Variants in TAFA2 observed in about 807,000 individuals in gnomAD.
The protein encoded by TAFA2 is chemokine-like protein TAFA-2.
TAFA2 carries 7 observed loss-of-function variants against 18.8 expected under a neutral mutation model. That is an observed-to-expected ratio of 0.37 (90% CI 0.21 to 0.70). The LOEUF (loss-of-function observed/expected upper bound fraction) is 0.70. TAFA2 is among the 30% of genes least tolerant of loss of function. The pLI is 0.53. For missense variants in TAFA2, 122 were observed against 158.1 expected (o/e 0.77, Z 1.23); for synonymous variants, 60 against 54.2 (o/e 1.11, Z -0.47).
intron 1 of TAFA2, among the ~76,000 whole-genome samples, chr12:62,219,933 G>T (rs2062753689): frequency 1.3e-5 from 2 of 152,112 alleles, no homozygotes; most frequent in Admixed American, 1.3e-4. Flanking sequence ...AGATCAAAGA[G>T]AATATAAGAT....
At chr12:61,713,617 G>A (rs1398158678) in intron 4 of TAFA2, among the ~76,000 whole-genome samples, 4 of 152,104 alleles carry the variant, frequency 2.6e-5, no homozygotes, top group African/African-American at 7.2e-5. Context: ...GTTTAAAAAT[G>A]TATAGGAAAA....
chr12:62,215,046 G>A (rs2062728491), intron 1 of TAFA2, among the ~76,000 whole-genome samples: 1 of 152,206 alleles, frequency 6.6e-6, no homozygotes, highest in Admixed American at 6.5e-5. Flanking sequence ...AGAGAGAAAA[G>A]GAAGTTGTGC....
intron 2 of TAFA2, chr12:61,776,169 A>T (rs1870253503): frequency 6.3e-6 from 2 of 317,556 alleles, no homozygotes; most frequent in Non-Finnish European, 1.2e-5. Context: ...TAAGGGCATG[A>T]TTCTTGCCAA....
At position 61,988,830 on chromosome 12, in the gene TAFA2, C is replaced by A. The variant is rs558520496; in HGVS notation, c.-1-121404G>T. 3.9e-5 allele frequency among the ~76,000 whole-genome samples: 6 copies of A among 151,952 alleles called. No individual in the cohort carries two copies. The South Asian group carries it at 8.3e-4, about 21-fold the overall frequency. Reference sequence around the variant, plus strand: ...TGATGAGTGCTACAGGATGTGGGAGCCTAAGTTTTTAATTGATGTCAAACA... The same window carrying A: ...TGATGAGTGCTACAGGATGTGGGAGACTAAGTTTTTAATTGATGTCAAACA... On this transcript the variant is annotated intron_variant, in intron 1 of 4. Coordinates refer to ENST00000416284, the MANE Select transcript of TAFA2 (RefSeq NM_178539.5).
chr12:61,851,392 C>G (rs1873637753), intron 2 of TAFA2, among the ~76,000 whole-genome samples: 1 of 152,162 alleles, frequency 6.6e-6, no homozygotes, highest in South Asian at 2.1e-4. Flanking sequence ...AAAAGAAGCT[C>G]TGGATCATTC....
At chr12:61,741,164 T>A (rs552348327) in intron 4 of TAFA2, among the ~76,000 whole-genome samples, 1 of 152,180 alleles carries the variant, frequency 6.6e-6, no homozygotes, top group African/African-American at 2.4e-5. Flanking sequence ...TCTTATTCGC[T>A]CGTGGGAATC....
At chr12:61,835,505 G>T (rs1028445295) in intron 2 of TAFA2, among the ~76,000 whole-genome samples, 5 of 151,896 alleles carry the variant, frequency 3.3e-5, no homozygotes, top group Non-Finnish European at 7.4e-5. Context: ...CCAATAGGTA[G>T]TTTGAAAAAG....
At chr12:61,945,807 G>C (rs1467035618) in intron 1 of TAFA2, among the ~76,000 whole-genome samples, 1 of 146,386 alleles carries the variant, frequency 6.8e-6, no homozygotes, top group African/African-American at 2.5e-5. Flanking sequence ...AAATAAAAGA[G>C]GATACAAACA....
intron 1 of TAFA2, among the ~76,000 whole-genome samples, chr12:61,904,792 T>C (rs1014604404): frequency 5.9e-5 from 9 of 152,310 alleles, no homozygotes; most frequent in Non-Finnish European, 1.0e-4. Flanking sequence ...ACTCTAATTA[T>C]TGATTTGGGC....
intron 1 of TAFA2, among the ~76,000 whole-genome samples, chr12:61,981,608 T>A (rs1037180724): frequency 7.9e-5 from 12 of 152,118 alleles, no homozygotes; most frequent in African/African-American, 2.7e-4. Context: ...CAAACAAATT[T>A]ACAAGAAAAA....
rs75914356 is a variant in TAFA2, at chr12:61,743,141, C to T, written c.384+10481G>A. ...ATACTTCCCCTCACACACATTGTTA[C>T]CCCATGAAATGGTTTCAATTCCATG... On this transcript the variant is annotated intron_variant, in intron 4 of 4. Coordinates refer to ENST00000416284, the MANE Select transcript of TAFA2 (RefSeq NM_178539.5). 6.0e-3 allele frequency among the ~76,000 whole-genome samples: 906 copies of T among 152,136 alleles called. 3 individuals carry two copies. The highest frequency in any genetic ancestry group is 0.021 in the African/African-American group (861 of 41,526).
rs1275581192 is a variant in TAFA2, at chr12:61,997,267, A to G, written c.-1-129841T>C. 2.6e-5 allele frequency among the ~76,000 whole-genome samples: 4 copies of G among 152,084 alleles called. No homozygotes were observed. In the East Asian group the frequency reaches 7.7e-4, roughly 29 times the overall value. ...GTAAAATAATGAGTGATGGCAACAG[A>G]CTATGATCAGAGAAGGGTTCTATAG... On this transcript the variant is annotated intron_variant, in intron 1 of 4. Coordinates refer to ENST00000416284, the MANE Select transcript of TAFA2 (RefSeq NM_178539.5).
intron 1 of TAFA2, among the ~76,000 whole-genome samples, chr12:62,069,820 C>A (rs1466695740): frequency 6.6e-6 from 1 of 152,144 alleles, no homozygotes; most frequent in Non-Finnish European, 1.5e-5. Flanking sequence ...ATGGCATGCA[C>A]CATTAACACT....
intron 1 of TAFA2, among the ~76,000 whole-genome samples, chr12:61,942,347 TG>T (rs1878069179): frequency 1.3e-5 from 2 of 148,984 alleles, no homozygotes; most frequent in Admixed American, 1.3e-4. Context: ...ACCACAAAGA[TG>T]GGGAAAAAAC....
intron 1 of TAFA2, among the ~76,000 whole-genome samples, chr12:62,227,362 C>CA (rs2062791446): frequency 6.6e-6 from 1 of 152,190 alleles, no homozygotes; most frequent in Non-Finnish European, 1.5e-5. Context: ...TATGCATACA[C>CA]TAAAGTGTCT....
intron 2 of TAFA2, among the ~76,000 whole-genome samples, chr12:61,859,055 T>C (rs775458287): frequency 1.2e-4 from 18 of 152,240 alleles, no homozygotes; most frequent in Non-Finnish European, 2.2e-4. Flanking sequence ...TCCATTTTCA[T>C]ACTGCTATAA....
intron 1 of TAFA2, among the ~76,000 whole-genome samples, chr12:62,035,092 T>C (rs1682242307): frequency 6.6e-6 from 1 of 152,192 alleles, no homozygotes; most frequent in Admixed American, 6.5e-5. Flanking sequence ...ATAAATGCCT[T>C]ATCAATTTAA....
intron 1 of TAFA2, among the ~76,000 whole-genome samples, chr12:61,902,003 T>C (rs1876122848): frequency 6.6e-6 from 1 of 150,874 alleles, no homozygotes; most frequent in Non-Finnish European, 1.5e-5. Flanking sequence ...TAGCTAGCTA[T>C]ACCTGTGGAT....
intron 1 of TAFA2, among the ~76,000 whole-genome samples, chr12:61,991,549 C>T (rs1880010920): frequency 6.6e-6 from 1 of 152,174 alleles, no homozygotes; most frequent in Admixed American, 6.5e-5. Context: ...CTCACAACTT[C>T]TAATATGAAT....
Sources: gnomAD v4.1 joint callset for allele counts (sites outside exome capture counted in the v4.1 genomes callset) on GRCh38, gnomAD v4.1.1 for gene constraint, MANE v1.5 for transcripts, NCBI Gene and HGNC (gene_info 2026-07-23, HGNC 2026-07-21) for gene names.